CNTN1: variants seen among roughly 807,000 people sequenced by gnomAD.
CNTN1 encodes contactin-1.
CNTN1 carries 38 observed loss-of-function variants against 126.4 expected under a neutral mutation model. That is an observed-to-expected ratio of 0.30 (90% CI 0.23 to 0.39). CNTN1 has a LOEUF of 0.39. CNTN1 is among the 10% of genes least tolerant of loss of function. CNTN1 has a pLI of 1.00. For missense variants in CNTN1, 1,009 were observed against 1,248.4 expected, an observed-to-expected ratio of 0.81 and a Z score of 2.89; for synonymous variants, 413 against 422.6, an observed-to-expected ratio of 0.98 and a Z score of 0.28.
intron 1 of CNTN1, among the ~76,000 whole-genome samples, chr12:40,694,972 A>G (rs1941414243): frequency 6.6e-6 from 1 of 152,198 alleles, no homozygotes; most frequent in South Asian, 2.1e-4. Flanking sequence ...TATCAACTAA[A>G]TGCATTTTAA....
chr12:41,036,429 C>G (rs1002038473), intron 23 of CNTN1, among the ~76,000 whole-genome samples: 5 of 151,916 alleles, frequency 3.3e-5, no homozygotes, highest in Non-Finnish European at 7.4e-5. Flanking sequence ...GAGAACCAAG[C>G]CAAATGTGGA....
chr12:40,846,181 A>T (rs1942491986), intron 1 of CNTN1, among the ~76,000 whole-genome samples: 1 of 152,112 alleles, frequency 6.6e-6, no homozygotes. Context: ...AATGGCAGGG[A>T]TTGGGGTGAG....
chr12:40,961,523 A>T (rs1310126101), intron 15 of CNTN1, among the ~76,000 whole-genome samples: 2 of 151,980 alleles, frequency 1.3e-5, no homozygotes, highest in Non-Finnish European at 2.9e-5. Context: ...ATACTTTTGT[A>T]TCTAGTTCAG....
chr12:40,850,994 G>C (rs921219885), intron 1 of CNTN1, among the ~76,000 whole-genome samples: 3 of 152,158 alleles, frequency 2.0e-5, no homozygotes, highest in Non-Finnish European at 2.9e-5. Flanking sequence ...CTTGAATAGG[G>C]AATTACTTTC....
intron 1 of CNTN1, among the ~76,000 whole-genome samples, chr12:40,833,479 C>T (rs756833759): frequency 5.9e-5 from 9 of 152,128 alleles, no homozygotes; most frequent in Middle Eastern, 3.4e-3. Flanking sequence ...TTAAAATAAA[C>T]ATTTAAAAAT....
chr12:40,774,416 G>A (rs574394501), intron 1 of CNTN1, among the ~76,000 whole-genome samples: 21 of 151,742 alleles, frequency 1.4e-4, no homozygotes, highest in Admixed American at 6.6e-5. Context: ...GGAAGACATC[G>A]ATCTATCAGT....
intron 1 of CNTN1, among the ~76,000 whole-genome samples, chr12:40,752,625 C>T (rs557078127): frequency 1.1e-3 from 168 of 152,072 alleles, no homozygotes; most frequent in Non-Finnish European, 1.9e-3. Context: ...GACAATTCTA[C>T]GGTATAGTAT....
intron 1 of CNTN1, among the ~76,000 whole-genome samples, chr12:40,873,549 T>C (rs976384710): frequency 6.6e-6 from 1 of 152,186 alleles, no homozygotes; most frequent in Non-Finnish European, 1.5e-5. Flanking sequence ...GCAATTTTTC[T>C]TTGCTTCTTC....
rs181426756 is a variant in CNTN1 at position 41,029,238 on chromosome 12, A to T, written c.2980+19A>T. 2.1e-3 allele frequency: 3,467 copies of T among 1,613,786 alleles called. 20 individuals carry two copies. The Middle Eastern group carries it at 0.024, about 11-fold the overall frequency. ...ATTTCAGGTAAGTGAGTCATTTAAGACACATTTCAACTAAGTACTTGTGAG... is the reference window on the plus strand; with the variant it reads ...ATTTCAGGTAAGTGAGTCATTTAAGTCACATTTCAACTAAGTACTTGTGAG... On this transcript the variant is annotated intron_variant, in intron 23 of 23. Coordinates refer to ENST00000551295, the MANE Select transcript of CNTN1 (RefSeq NM_001843.4).
chr12:40,829,799 A>G (rs1941747077), intron 1 of CNTN1, among the ~76,000 whole-genome samples: 1 of 152,170 alleles, frequency 6.6e-6, no homozygotes, highest in Non-Finnish European at 1.5e-5. Context: ...CATGGTGTTC[A>G]GTTCTGCTGA....
chr12:40,830,041 G>A (rs932878088), intron 1 of CNTN1, among the ~76,000 whole-genome samples: 1 of 152,252 alleles, frequency 6.6e-6, no homozygotes, highest in South Asian at 2.1e-4. Flanking sequence ...AGAATTAATG[G>A]CCTAACAAGG....
chr12:40,730,389 G>A (rs1369434904), intron 1 of CNTN1, among the ~76,000 whole-genome samples: 3 of 152,208 alleles, frequency 2.0e-5, no homozygotes, highest in Non-Finnish European at 4.4e-5. Context: ...GATGGGGAAA[G>A]AGTTCTAAAG....
At chr12:40,803,361 C>T (rs973183707) in intron 1 of CNTN1, among the ~76,000 whole-genome samples, 4 of 151,964 alleles carry the variant, frequency 2.6e-5, no homozygotes, top group African/African-American at 9.7e-5. Flanking sequence ...TCCCTGTAAA[C>T]TTTTTGAAGA....
intron 1 of CNTN1, among the ~76,000 whole-genome samples, chr12:40,905,154 G>A (rs912148609): frequency 3.3e-5 from 5 of 152,188 alleles, no homozygotes; most frequent in Non-Finnish European, 7.3e-5. Flanking sequence ...CCCATATACT[G>A]TGGTCATTAT....
At chr12:40,997,327 C>T (rs1010147908) in intron 17 of CNTN1, among the ~76,000 whole-genome samples, 8 of 152,058 alleles carry the variant, frequency 5.3e-5, no homozygotes, top group African/African-American at 1.9e-4. Context: ...CCAGATCAAG[C>T]CAGTCAAAGA....
intron 1 of CNTN1, among the ~76,000 whole-genome samples, chr12:40,808,787 G>C (rs1253332043): frequency 6.6e-6 from 1 of 152,048 alleles, no homozygotes; most frequent in Non-Finnish European, 1.5e-5. Flanking sequence ...GCGAAAGAAA[G>C]AGCTCAAGTC....
intron 16 of CNTN1, among the ~76,000 whole-genome samples, chr12:40,988,442 C>A (rs569527951): frequency 6.6e-6 from 1 of 152,254 alleles, no homozygotes; most frequent in African/African-American, 2.4e-5. Context: ...TTGACACAAT[C>A]TGTTTTTTAG....
intron 11 of CNTN1, 67 bp from the exon 12 acceptor site, chr12:40,939,268 C>T (rs1482815153): frequency 1.1e-5 from 17 of 1,541,650 alleles, no homozygotes; most frequent in Non-Finnish European, 1.5e-5. Flanking sequence ...AAAGATTCTA[C>T]AACACAGAAG....
intron 19 of CNTN1, among the ~76,000 whole-genome samples, chr12:41,019,495 A>G (rs1026584163): frequency 3.9e-5 from 6 of 151,982 alleles, no homozygotes; most frequent in Admixed American, 6.6e-5. Context: ...TAGAAAGTCA[A>G]CAGTGTTCAT....
Sources: allele counts gnomAD v4.1 joint callset (sites outside exome capture counted in the v4.1 genomes callset), GRCh38; gene constraint gnomAD v4.1.1; transcripts MANE v1.5; gene names NCBI Gene and HGNC (gene_info 2026-07-23, HGNC 2026-07-21).